PLXNB1: variants seen among roughly 807,000 people sequenced by gnomAD.
PLXNB1 encodes plexin B1, also known as plexin-B1.
Under a neutral mutation model 209.4 loss-of-function variants are expected in PLXNB1, and 106 were observed. That is an observed-to-expected ratio of 0.51 (90% confidence interval 0.43 to 0.59). The LOEUF (loss-of-function observed/expected upper bound fraction) is 0.59. PLXNB1 is among the 20% of genes least tolerant of loss of function. The probability of loss-of-function intolerance (pLI) is 0.00; values close to 1 mark genes in which losing one functional copy is unlikely to be tolerated. For missense variants in PLXNB1, 2,357 were observed against 2,853.2 expected, an observed-to-expected ratio of 0.83 and a Z score of 3.96; for synonymous variants, 1,167 against 1,183.2, an observed-to-expected ratio of 0.99 and a Z score of 0.28.
At chr3:48,428,613 C>T (rs748398707) in intron 1 of PLXNB1, among the ~76,000 whole-genome samples, 6 of 152,194 alleles carry the variant, frequency 3.9e-5, no homozygotes, top group Non-Finnish European at 7.4e-5. Context: ...ACCGGCCTTC[C>T]CGTTTCACCC....
At position 48,424,500 on chromosome 3, in the gene PLXNB1, G is replaced by C; in HGVS notation, c.112C>G (p.Leu38Val). Residue 38 changes from leucine to valine, a missense_variant, in exon 3 of 38, where the codon CTG (leucine) becomes GTG (valine). Physicochemically the swap from Leu to Val is conservative, Grantham distance 32 (BLOSUM62 1). This residue lies in a region of PLXNB1 where 107 missense variants were observed against 167.2 expected (regional missense o/e 0.64). Transcript: ENST00000296440. Reference protein sequence around the residue: ...FTPNGTYLQHLARDPTSGTLY... With the variant: ...FTPNGTYLQHVARDPTSGTLY... ...GTGCCTGAGGTGGGGTCCCTTGCCA[G>C]GTGCTGCAGATACGTGCCATTGGGA... 6.2e-7 allele frequency: 1 copy of C among 1,603,776 alleles called. No homozygotes were observed. The highest frequency in any genetic ancestry group is 8.5e-7 in the Non-Finnish European group (1 of 1,175,236).
rs11712752 is a variant in PLXNB1 at position 48,418,419 on chromosome 3, C to T, written c.3049+30G>A. The T allele has an allele frequency of 0.01, 16,895 of 1,613,126 alleles. 134 individuals carry two copies. The highest frequency in any genetic ancestry group is 0.018 in the South Asian group (1,672 of 91,050). On this transcript the variant is annotated intron_variant, in intron 14 of 37. Transcript: ENST00000296440. This position sits in a 1 kb window ranked among gnomAD's most constrained non-coding sequence, Gnocchi z 6.6. The stretch of plus-strand genomic sequence containing the variant: ...AGGCCTGGGAGAGCCCTGCTACCAC[C>T]GCCAGCCCAGCAGCCCGCAGGTGGC...
At chr3:48,407,917 T>C (rs1252381326) in intron 34 of PLXNB1, among the ~76,000 whole-genome samples, 1 of 152,200 alleles carries the variant, frequency 6.6e-6, no homozygotes, top group African/African-American at 2.4e-5. Flanking sequence ...GTGTGGCCCT[T>C]TGATTCTTAG....
chr3:48,410,214 GCCCTGAGGCCCAGAGGACCTTC>G lies in PLXNB1; in HGVS notation c.5605+60_5605+81del. The G allele has an allele frequency of 6.9e-7, 1 of 1,453,674 alleles. No homozygotes were observed. The highest frequency in any genetic ancestry group is 2.0e-5 in the Admixed American group (1 of 49,480). The allele number at this position is 1,453,674 out of a possible 1,614,324, so 90.0% of individuals were successfully genotyped here. On this transcript the variant is annotated intron_variant, in intron 31 of 37. Coordinates refer to ENST00000296440, the MANE Select transcript of PLXNB1 (RefSeq NM_001130082.3). This position sits in a 1 kb window ranked among gnomAD's most constrained non-coding sequence, Gnocchi z 6.4. ...GCCGAATGGAAATAGGCACAAGCCT[GCCCTGAGGCCCAGAGGACCTTC>G]CCCATGACTCCGGGCTGGGCACAGC...
chr3:48,428,370 G>C (rs577787915), intron 1 of PLXNB1, among the ~76,000 whole-genome samples: 63 of 152,194 alleles, frequency 4.1e-4, no homozygotes, highest in African/African-American at 1.5e-3. Context: ...GCCTAACTCT[G>C]CCTGTGCCCA....
chr3:48,422,705 C>A, intron 4 of PLXNB1, 60 bp downstream of exon 4: 6 of 1,546,198 alleles, frequency 3.9e-6, no homozygotes, highest in South Asian at 3.7e-5. Context: ...CAGGCTGGGT[C>A]CCTAGCAATC....
intron 3 of PLXNB1, 136 bp from the exon 4 acceptor site, chr3:48,423,083 T>C (rs2038642224): frequency 9.6e-6 from 7 of 725,640 alleles, no homozygotes; most frequent in Non-Finnish European, 1.6e-5. Flanking sequence ...CTGCTGGCCC[T>C]CCTGGGACAA....
Position 48,413,653 on chromosome 3 carries a change from C to T in PLXNB1, c.4535+17G>A. On this transcript the variant is annotated intron_variant, in intron 23 of 37. Transcript: ENST00000296440. The surrounding 1 kb of genome is among the most constrained non-coding windows in gnomAD (Gnocchi z 5.4). Reference sequence around the variant, plus strand: ...CCCACGACCTGCCCCAGCCCAGCCACATCTGGCTGCACCCACCTGTACATG... The same window carrying T: ...CCCACGACCTGCCCCAGCCCAGCCATATCTGGCTGCACCCACCTGTACATG... 3 of 1,595,032 alleles carry T rather than the reference C, an allele frequency of 1.9e-6. No homozygotes were observed. Among genetic ancestry groups the T allele is most frequent in the Non-Finnish European group, 2.6e-6 (3 of 1,165,862 alleles).
rs757398640 is a variant in PLXNB1, at chr3:48,418,485, C to T, written c.3013G>A (p.Gly1005Ser). Residue 1005 changes from glycine to serine, a missense_variant, in exon 14 of 38, where the codon GGC becomes AGC. Gly to Ser is a moderately conservative substitution (Grantham distance 56, BLOSUM62 0). Transcript: ENST00000296440. The surrounding 1 kb of genome is among the most constrained non-coding windows in gnomAD (Gnocchi z 6.6). ...TCAGCACTGTCCACACGCAGACGGCCGGCCCGACGCAGAAACAGCCCCACA... is the reference window on the plus strand; with the variant it reads ...TCAGCACTGTCCACACGCAGACGGCTGGCCCGACGCAGAAACAGCCCCACA... ...LRVGLFLRRA[G>S]RLRVDSAEGL... The T allele has an allele frequency of 2.5e-6, 4 of 1,612,552 alleles. No individual in the cohort carries two copies. The highest frequency in any genetic ancestry group is 1.6e-4 in the Middle Eastern group (1 of 6,062).
In PLXNB1 at chr3:48,424,214, C is replaced by CGCA; in HGVS notation, c.395_397dup (p.Leu132dup). On this transcript the variant is annotated inframe_insertion, in exon 3 of 38. Coordinates refer to ENST00000296440, the MANE Select transcript of PLXNB1 (RefSeq NM_001130082.3). ...TTGTGTGTCCCCAGGCCGCTCTGGCCGCAGCAGCAGCTGCTCGAGCTGCCC... is the reference window on the plus strand; with the variant it reads ...TTGTGTGTCCCCAGGCCGCTCTGGCCGCAGCAGCAGCAGCTGCTCGAGCTGCCC... 2 of 1,599,986 alleles carry CGCA rather than the reference C, an allele frequency of 1.3e-6. No individual in the cohort carries two copies. The highest frequency in any genetic ancestry group is 1.7e-6 in the Non-Finnish European group (2 of 1,171,990).
intron 37 of PLXNB1, among the ~76,000 whole-genome samples, 179 bp from the exon 38 acceptor site, chr3:48,404,769 TC>T (rs948492940): frequency 2.0e-5 from 3 of 151,990 alleles, no homozygotes; most frequent in African/African-American, 7.3e-5. Context: ...GGTAATAACA[TC>T]AAAGTCACCG....
chr3:48,408,043 G>T (rs896354687), intron 34 of PLXNB1, among the ~76,000 whole-genome samples: 1 of 152,182 alleles, frequency 6.6e-6, no homozygotes, highest in African/African-American at 2.4e-5. Flanking sequence ...GTCTCGCTCT[G>T]TTACCCAGGC....
rs1019062509 is a variant in PLXNB1, at chr3:48,418,336, T to C, written c.3077A>G (p.His1026Arg). 6 of 1,613,666 alleles carry C rather than the reference T, an allele frequency of 3.7e-6. No individual in the cohort carries two copies. The highest frequency in any genetic ancestry group is 1.3e-5 in the African/African-American group (1 of 75,060). ...HVVLYDCSVG[H>R]GDCSRCQTAM... is the part of the protein sequence containing the mutation. ...AGTTTGGCAGCGGCTGCAGTCTCCA[T>C]GTCCCACGGAACAGTCATACAGTAC... is the stretch of plus-strand genomic sequence containing the variant. Residue 1026 changes from histidine (H) to arginine (R), a missense_variant, in exon 15 of 38, where the codon CAT (histidine) becomes CGT (arginine). Physicochemically the swap from His to Arg is conservative, Grantham distance 29 (BLOSUM62 0). This residue lies in a region of PLXNB1 where 743 missense variants were observed against 896.2 expected (regional missense o/e 0.83). Transcript: ENST00000296440. This position sits in a 1 kb window ranked among gnomAD's most constrained non-coding sequence, Gnocchi z 6.6.
Position 48,409,329 on chromosome 3 carries a change from C to T in PLXNB1, c.6087G>A (p.Arg2029=). Residue 2029 remains arginine, a splice_region_variant and synonymous_variant, in exon 34 of 38, where the codon CGG becomes CGA. Transcript: ENST00000296440. This position sits in a 1 kb window ranked among gnomAD's most constrained non-coding sequence, Gnocchi z 5.8. Reference sequence around the variant, plus strand: ...CCGTGTCCATCCCAGACTCGCTCACCCGGCCCAGCTTGTGGTCGGCCAGGG... The same window carrying T: ...CCGTGTCCATCCCAGACTCGCTCACTCGGCCCAGCTTGTGGTCGGCCAGGG... The part of the protein sequence containing the change: ...ACTLADHKLG[R]DSPINKLLYA... The T allele has an allele frequency of 6.2e-7, 1 of 1,614,110 alleles. No homozygotes were observed. The highest frequency in any genetic ancestry group is 2.2e-5 in the East Asian group (1 of 44,884).
intron 34 of PLXNB1, 102 bp from the exon 35 acceptor site, chr3:48,407,193 G>T: frequency 9.3e-7 from 1 of 1,076,446 alleles, no homozygotes; most frequent in South Asian, 1.4e-5. Context: ...CTTCAGTTTT[G>T]AAAAGGAAAA....
Position 48,409,799 on chromosome 3 carries a change from AC to A in PLXNB1, c.5779-69del. 3.2e-6 allele frequency: 5 copies of A among 1,576,328 alleles called. No individual in the cohort carries two copies. Among genetic ancestry groups the A allele is most frequent in the South Asian group, 1.2e-5 (1 of 86,580 alleles). On this transcript the variant is annotated intron_variant, in intron 32 of 37. Coordinates refer to ENST00000296440, the MANE Select transcript of PLXNB1 (RefSeq NM_001130082.3). The surrounding 1 kb of genome is among the most constrained non-coding windows in gnomAD (Gnocchi z 5.8). ...CCTCAGCAGCAGCCCAGCCTCAGAC[AC>A]CCCCCGGCACTGTGCCTGCACGAGC...
Position 48,406,799 on chromosome 3 carries a change from C to G in PLXNB1, c.6228+24G>C. The G allele has an allele frequency of 6.3e-7, 1 of 1,580,982 alleles. No individual in the cohort carries two copies. The highest frequency in any genetic ancestry group is 1.2e-5 in the South Asian group (1 of 86,606). ...TTGTGGCAGGAGGCCTATGCCCAAC[C>G]CAAGAAGCAGAGGGAGGCCTTACCC... On this transcript the variant is annotated intron_variant, in intron 36 of 37. Transcript: ENST00000296440. This position sits in a 1 kb window ranked among gnomAD's most constrained non-coding sequence, Gnocchi z 4.4.
At chr3:48,426,654 G>C (rs866346975) in intron 1 of PLXNB1, among the ~76,000 whole-genome samples, 1 of 152,104 alleles carries the variant, frequency 6.6e-6, no homozygotes, top group East Asian at 1.9e-4. Context: ...GAGCAGGGGG[G>C]CCGTGGTCAC....
chr3:48,413,967 C>G lies in PLXNB1; in HGVS notation c.4314G>C (p.Glu1438Asp), dbSNP rs765321352. ...KTLTRHHLYC[E>D]PPVEQPLPRH... ...GTGGCAGGGGCTGCTCCACGGGGGG[C>G]TCGCAGTACAGGTGGTGCCGCGTCA... The change falls in exon 22 of 38, where the codon GAG becomes GAC. Residue 1438 changes from glutamate to aspartate, a missense_variant. Physicochemically the swap from Glu to Asp is conservative, Grantham distance 45 (BLOSUM62 2). Around this residue, in one of 7 missense-constraint regions of PLXNB1, gnomAD observed 743 missense variants for 896.2 expected, o/e 0.83. Coordinates refer to ENST00000296440, the MANE Select transcript of PLXNB1 (RefSeq NM_001130082.3). This position sits in a 1 kb window ranked among gnomAD's most constrained non-coding sequence, Gnocchi z 5.4. 6.2e-7 allele frequency: 1 copy of G among 1,613,550 alleles called. No homozygotes were observed. Among genetic ancestry groups the G allele is most frequent in the Non-Finnish European group, 8.5e-7 (1 of 1,179,922 alleles).
Sources: allele counts gnomAD v4.1 joint callset (sites outside exome capture counted in the v4.1 genomes callset), GRCh38; gene constraint gnomAD v4.1.1; regional missense constraint gnomAD v4.1.1; non-coding constraint Gnocchi (gnomAD v3.1); transcripts MANE v1.5; gene names NCBI Gene and HGNC (gene_info 2026-07-23, HGNC 2026-07-21).